Variants in PUM1 observed in about 807,000 individuals in gnomAD.
PUM1 encodes pumilio RNA binding family member 1.
PUM1 carries 13 observed loss-of-function variants against 131.8 expected under a neutral mutation model. The observed-to-expected ratio is 0.10, with a 90% CI of 0.06 to 0.16. The LOEUF is 0.16. Among genes scored for constraint, PUM1 ranks in the 10% least tolerant of loss-of-function variants. PUM1 has a pLI of 1.00. For synonymous variants in PUM1, 509 were observed against 556.5 expected (o/e 0.91, Z 1.20); for missense variants, 961 against 1,512.4 (o/e 0.64, Z 6.05).
chr1:31,040,628 C>T (rs1304252011), intron 2 of PUM1, among the ~76,000 whole-genome samples: 1 of 152,126 alleles, frequency 6.6e-6, no homozygotes, highest in Non-Finnish European at 1.5e-5. Context: ...ACACAAAAGA[C>T]AGCTGGGCAT....
At chr1:30,956,484 A>C (rs1165870963) in intron 14 of PUM1, among the ~76,000 whole-genome samples, 1 of 152,100 alleles carries the variant, frequency 6.6e-6, no homozygotes, top group Admixed American at 6.6e-5. Flanking sequence ...GACTACTCTC[A>C]AACTCCTGAC....
rs534976542 is a variant in PUM1 at position 31,047,896 on chromosome 1, C to T, written c.363+11308G>A. 2.3e-3 allele frequency among the ~76,000 whole-genome samples: 353 copies of T among 152,038 alleles called. 1 individual carries two copies. Among genetic ancestry groups the T allele is most frequent in the African/African-American group, 8.0e-3 (330 of 41,472 alleles). On this transcript the variant is annotated intron_variant, in intron 2 of 21. Transcript: ENST00000426105. ...GGTGGAGATTGCAGTGAGCCGAGATCGCACCACTGCACTATACAGCCTGGG... is the reference window on the plus strand; with the variant it reads ...GGTGGAGATTGCAGTGAGCCGAGATTGCACCACTGCACTATACAGCCTGGG...
intron 5 of PUM1, among the ~76,000 whole-genome samples, chr1:31,000,908 C>G (rs530096950): frequency 6.6e-6 from 1 of 151,742 alleles, no homozygotes; most frequent in African/African-American, 2.4e-5. Context: ...GGGTGTGGGC[C>G]GGGCACAGTG....
intron 1 of PUM1, 145 bp from the exon 2 acceptor site, chr1:31,059,722 C>T (rs548004167): frequency 1.1e-6 from 1 of 876,652 alleles, no homozygotes; most frequent in Non-Finnish European, 1.7e-6. Flanking sequence ...GGGATCAGAA[C>T]TCAATACTAC....
intron 7 of PUM1, among the ~76,000 whole-genome samples, chr1:30,991,895 T>C (rs1641806588): frequency 6.6e-6 from 1 of 152,230 alleles, no homozygotes; most frequent in Admixed American, 6.5e-5. Context: ...TTTCCTCTGA[T>C]CGCATTCTAA....
chr1:31,034,849 A>C (rs930103107), intron 2 of PUM1, among the ~76,000 whole-genome samples: 5 of 152,210 alleles, frequency 3.3e-5, no homozygotes, highest in African/African-American at 1.2e-4. Context: ...TTTCACTAAA[A>C]GAGATCAGAA....
chr1:30,964,622 G>A (rs1422618247), intron 14 of PUM1, 52 bp downstream of exon 14: 45 of 1,462,878 alleles, frequency 3.1e-5, no homozygotes, highest in Middle Eastern at 1.7e-4. Context: ...TAATGTCATC[G>A]GTGGCAAGAG....
chr1:31,008,079 G>A (rs1185019380), intron 3 of PUM1, among the ~76,000 whole-genome samples: 1 of 152,112 alleles, frequency 6.6e-6, no homozygotes, highest in Non-Finnish European at 1.5e-5. Context: ...AAAAATACCT[G>A]GAGAGTTGAA....
intron 20 of PUM1, among the ~76,000 whole-genome samples, chr1:30,940,653 T>C (rs1279607121): frequency 1.3e-5 from 2 of 152,216 alleles, no homozygotes; most frequent in Non-Finnish European, 2.9e-5. Context: ...GGAAGGGCCA[T>C]TGATTCCTTC....
At chr1:31,005,148 AAG>A in intron 5 of PUM1, among the ~76,000 whole-genome samples, 1 of 152,242 alleles carries the variant, frequency 6.6e-6, no homozygotes, top group Non-Finnish European at 1.5e-5. Context: ...ATGATAAAGA[AAG>A]AAATTGTTTT....
chr1:30,953,279 C>T (rs141329625), intron 15 of PUM1, among the ~76,000 whole-genome samples: 1 of 152,268 alleles, frequency 6.6e-6, no homozygotes, highest in East Asian at 1.9e-4. Flanking sequence ...TATGCTCTAT[C>T]CCCAGGACCA....
At chr1:30,953,661 AGTTAAG>A in intron 15 of PUM1, 47 bp downstream of exon 15, 1 of 1,598,138 alleles carries the variant, frequency 6.3e-7, no homozygotes. Context: ...GAGCCAAGAC[AGTTAAG>A]GCATTACAAT....
At chr1:31,038,986 T>A (rs12732767) in intron 2 of PUM1, among the ~76,000 whole-genome samples, 4,011 of 26,940 alleles carry the variant, frequency 0.15, 111 homozygotes, top group East Asian at 0.23. Flanking sequence ...ATATATATAT[T>A]TTTTTTTTTT....
chr1:30,966,265 G>A lies in PUM1; in HGVS notation c.1803C>T (p.Ala601=), dbSNP rs370826354. 5.4e-5 allele frequency: 86 copies of A among 1,598,584 alleles called. No individual in the cohort carries two copies. In the East Asian group the frequency reaches 1.5e-3, roughly 27 times the overall value. The change falls in exon 13 of 22, where the codon GCC becomes GCT. Residue 601 remains alanine (A), a synonymous_variant. Coordinates refer to ENST00000426105, the MANE Select transcript of PUM1 (RefSeq NM_001020658.2). ...SSAAQAAVAA[A]AASANGAAGG... ...CAGCTGCTCCATTTGCTGAAGCTGCGGCTGCTGCAACAGCTATGAAGAAGA... is the reference window on the plus strand; with the variant it reads ...CAGCTGCTCCATTTGCTGAAGCTGCAGCTGCTGCAACAGCTATGAAGAAGA...
intron 3 of PUM1, among the ~76,000 whole-genome samples, chr1:31,010,183 A>C (rs1389897754): frequency 2.0e-5 from 3 of 152,186 alleles, no homozygotes; most frequent in Non-Finnish European, 4.4e-5. Flanking sequence ...AAATTAGCAA[A>C]GCTCTTAAAA....
At chr1:30,937,521 T>C (rs1464855416) in intron 20 of PUM1, among the ~76,000 whole-genome samples, 2 of 151,946 alleles carry the variant, frequency 1.3e-5, no homozygotes, top group Non-Finnish European at 2.9e-5. Context: ...CTGACCTCGT[T>C]ATCTGCCCAC....
At chr1:30,974,442 G>A (rs533237389) in intron 10 of PUM1, among the ~76,000 whole-genome samples, 4 of 152,180 alleles carry the variant, frequency 2.6e-5, no homozygotes, top group South Asian at 2.1e-4. Context: ...GGTTAGTATC[G>A]TTACCCCACC....
In PUM1 at chr1:30,942,058, G is replaced by T; in HGVS notation, c.3060C>A (p.Leu1020=). 6.2e-7 allele frequency: 1 copy of T among 1,602,012 alleles called. No individual in the cohort carries two copies. The highest frequency in any genetic ancestry group is 1.1e-5 in the South Asian group (1 of 90,904). ...RVIQRILEHC[L]PDQTLPILEE... ...CTAAAATAGGGAGTGTCTGGTCAGGGAGACAGTGCTCCAGGATTCTCTGAA... is the reference window on the plus strand; with the variant it reads ...CTAAAATAGGGAGTGTCTGGTCAGGTAGACAGTGCTCCAGGATTCTCTGAA... Residue 1020 remains leucine, a synonymous_variant, in exon 19 of 22, where the codon CTC becomes CTA. Coordinates refer to ENST00000426105, the MANE Select transcript of PUM1 (RefSeq NM_001020658.2).
In PUM1 at chr1:30,931,856, G is replaced by A. The variant is rs1022043768; in HGVS notation, c.*1355C>T. 1 of 152,442 alleles carries A rather than the reference G, an allele frequency of 6.6e-6. No homozygotes were observed. Among genetic ancestry groups the A allele is most frequent in the African/African-American group, 2.4e-5 (1 of 41,378 alleles). The allele number at this position is 152,442 out of a possible 1,614,324, so 9.4% of individuals were successfully genotyped here. Reference sequence around the variant, plus strand: ...GGGGCTCTGATTGTAAGGAAAGCTCGGGCAAGGCTAGACTTTTGCACGTCC... The same window carrying A: ...GGGGCTCTGATTGTAAGGAAAGCTCAGGCAAGGCTAGACTTTTGCACGTCC... On this transcript the variant is annotated 3_prime_UTR_variant, in exon 22 of 22. Coordinates refer to ENST00000426105, the MANE Select transcript of PUM1 (RefSeq NM_001020658.2).
Sources: gnomAD v4.1 joint callset for allele counts (sites outside exome capture counted in the v4.1 genomes callset) on GRCh38, gnomAD v4.1.1 for gene constraint, MANE v1.5 for transcripts, NCBI Gene and HGNC (gene_info 2026-07-23, HGNC 2026-07-21) for gene names.